Variants in TAF3 observed in about 807,000 individuals in gnomAD.
TAF3 encodes the protein TATA-box binding protein associated factor 3.
In TAF3, 7 loss-of-function variants were observed where a neutral mutation model predicts 80.6. The ratio of observed to expected loss-of-function variants is 0.09; its 90% CI spans 0.05 to 0.16. TAF3 has a LOEUF of 0.16. TAF3 is among the 10% of genes least tolerant of loss of function. TAF3 has a pLI of 1.00. For synonymous variants in TAF3, 444 were observed against 446.1 expected (o/e 1.00, Z 0.06); for missense variants, 921 against 1,140.2 (o/e 0.81, Z 2.77).
intron 2 of TAF3, among the ~76,000 whole-genome samples, chr10:7,959,340 T>C (rs964183839): frequency 1.3e-5 from 2 of 152,244 alleles, no homozygotes; most frequent in African/African-American, 4.8e-5. Flanking sequence ...AACGTTTGTA[T>C]TTTTAAGTAT....
chr10:7,953,980 C>T (rs899922918), intron 2 of TAF3, among the ~76,000 whole-genome samples: 55 of 102,874 alleles, frequency 5.3e-4, no homozygotes, highest in East Asian at 1.4e-3. Flanking sequence ...GTGCACTCCA[C>T]AGGTGAATGA....
intron 3 of TAF3, among the ~76,000 whole-genome samples, chr10:7,974,795 G>C (rs1196967536): frequency 6.6e-6 from 1 of 152,126 alleles, no homozygotes; most frequent in Non-Finnish European, 1.5e-5. Flanking sequence ...TGAGATGAAG[G>C]CCGGGCACAG....
intron 4 of TAF3, among the ~76,000 whole-genome samples, chr10:7,995,893 A>G (rs1831882658): frequency 6.6e-6 from 1 of 152,216 alleles, no homozygotes; most frequent in Non-Finnish European, 1.5e-5. Flanking sequence ...TGAAGAATCA[A>G]CATAAAACCG....
intron 2 of TAF3, among the ~76,000 whole-genome samples, chr10:7,826,181 A>G (rs536296107): frequency 2.0e-5 from 3 of 152,348 alleles, no homozygotes; most frequent in East Asian, 3.9e-4. Flanking sequence ...CTCATCATTT[A>G]GGTGCTCTGG....
rs576437914 is a variant in TAF3 at position 7,923,937 on chromosome 10, G to A, written c.410-39983G>A. 2.4e-3 allele frequency among the ~76,000 whole-genome samples: 371 copies of A among 152,286 alleles called. 2 individuals carry two copies. Among genetic ancestry groups the A allele is most frequent in the African/African-American group, 8.5e-3 (352 of 41,566 alleles). The stretch of plus-strand genomic sequence containing the variant: ...TGAATTTCGATTTGGAAATAAAGGA[G>A]TATTCCAAGGTATAAAGGATAATTT... On this transcript the variant is annotated intron_variant, in intron 2 of 6. Transcript: ENST00000344293.
At chr10:7,845,240 C>CA (rs34416999) in intron 2 of TAF3, among the ~76,000 whole-genome samples, 105 of 145,404 alleles carry the variant, frequency 7.2e-4, no homozygotes, top group Admixed American at 1.2e-3. Flanking sequence ...TGGGAACTAC[C>CA]AAAAAAAAAA....
chr10:7,947,746 A>G (rs1838039748), intron 2 of TAF3, among the ~76,000 whole-genome samples: 1 of 152,168 alleles, frequency 6.6e-6, no homozygotes, highest in Non-Finnish European at 1.5e-5. Context: ...CTCAGAGGCC[A>G]TGGCAAGGAG....
chr10:7,887,195 G>T (rs1279878522), intron 2 of TAF3, among the ~76,000 whole-genome samples: 1 of 150,142 alleles, frequency 6.7e-6, no homozygotes, highest in Non-Finnish European at 1.5e-5. Flanking sequence ...TCGCACCACT[G>T]CACTCCTGCC....
Position 7,965,019 on chromosome 10 carries a change from A to G in TAF3, c.1509A>G (p.Glu503=). The G allele has an allele frequency of 6.2e-7, 1 of 1,613,896 alleles. No homozygotes were observed. The highest frequency in any genetic ancestry group is 8.5e-7 in the Non-Finnish European group (1 of 1,179,988). Reference sequence around the variant, plus strand: ...CGTCAGTGTCTCCTCCCACTCCCGAACCTCTCCACAAGGTGTATGAGGAGA... The same window carrying G: ...CGTCAGTGTCTCCTCCCACTCCCGAGCCTCTCCACAAGGTGTATGAGGAGA... ...SSPSVSPPTP[E]PLHKVYEEKT... Residue 503 remains glutamate (E), a synonymous_variant, in exon 3 of 7, where the codon GAA becomes GAG. Coordinates refer to ENST00000344293, the MANE Select transcript of TAF3 (RefSeq NM_031923.4).
chr10:7,863,692 CATAT>C lies in TAF3; in HGVS notation c.409+39142_409+39145del, dbSNP rs796279577. The stretch of plus-strand genomic sequence containing the variant: ...ACACACATATATATATATACACACA[CATAT>C]ATATATATACACATATATATATACA... On this transcript the variant is annotated intron_variant, in intron 2 of 6. Coordinates refer to ENST00000344293, the MANE Select transcript of TAF3 (RefSeq NM_031923.4). Among the ~76,000 whole-genome samples the C allele has an allele frequency of 1.9e-4, 5 of 25,920 alleles. 1 individual carries two copies. The highest frequency in any genetic ancestry group is 2.6e-3 in the South Asian group (1 of 382). 17.0% of individuals were successfully genotyped at this position (25,920 alleles called of 152,430 possible).
chr10:7,951,276 G>A (rs552858901), intron 2 of TAF3, among the ~76,000 whole-genome samples: 135 of 152,334 alleles, frequency 8.9e-4, no homozygotes, highest in African/African-American at 3.2e-3. Flanking sequence ...AACAGCAACC[G>A]TTTACTAGCT....
Position 7,910,150 on chromosome 10 carries a change from G to A in TAF3, c.410-53770G>A, listed in dbSNP as rs903285997. Among the ~76,000 whole-genome samples, 7 of 152,194 alleles carry A rather than the reference G, an allele frequency of 4.6e-5. No individual in the cohort carries two copies. The South Asian group carries it at 1.5e-3, about 32-fold the overall frequency. Reference sequence around the variant, plus strand: ...GAGTCCAAGGATGCACAGCCTGTAGGTAGGGTACAGAGGCCAGTTGTTTCC... The same window carrying A: ...GAGTCCAAGGATGCACAGCCTGTAGATAGGGTACAGAGGCCAGTTGTTTCC... On this transcript the variant is annotated intron_variant, in intron 2 of 6. Coordinates refer to ENST00000344293, the MANE Select transcript of TAF3 (RefSeq NM_031923.4).
chr10:7,953,842 C>T (rs1838107759), intron 2 of TAF3, among the ~76,000 whole-genome samples: 1 of 149,958 alleles, frequency 6.7e-6, no homozygotes, highest in South Asian at 2.1e-4. Context: ...GAGTGCACGC[C>T]ATAGGCAAAT....
intron 2 of TAF3, among the ~76,000 whole-genome samples, chr10:7,892,967 G>A (rs1327285322): frequency 6.6e-6 from 1 of 151,628 alleles, no homozygotes; most frequent in African/African-American, 2.4e-5. Context: ...TTATAGGCAT[G>A]CACCACCACA....
intron 2 of TAF3, among the ~76,000 whole-genome samples, chr10:7,960,082 T>C (rs539508565): frequency 9.1e-4 from 139 of 152,364 alleles, no homozygotes; most frequent in African/African-American, 3.1e-3. Context: ...AGACCCGTTA[T>C]CCTGCCTAAG....
At chr10:7,963,141 A>G (rs1207624725) in intron 2 of TAF3, among the ~76,000 whole-genome samples, 5 of 152,200 alleles carry the variant, frequency 3.3e-5, no homozygotes, top group Non-Finnish European at 7.3e-5. Context: ...TCAAGCAAGC[A>G]AAATAGAAGA....
At chr10:7,850,054 GT>G (rs34114853) in intron 2 of TAF3, among the ~76,000 whole-genome samples, 38,693 of 152,106 alleles carry the variant, frequency 0.25, 5,085 homozygotes, top group South Asian at 0.38. Flanking sequence ...TGAGTGAGAA[GT>G]TTACAGGCTT....
chr10:7,849,079 C>T (rs751168894), intron 2 of TAF3, among the ~76,000 whole-genome samples: 8 of 152,084 alleles, frequency 5.3e-5, no homozygotes, highest in Non-Finnish European at 8.8e-5. Flanking sequence ...ACTTATGAAC[C>T]GCAACAACAC....
intron 1 of TAF3, among the ~76,000 whole-genome samples, chr10:7,819,552 C>T (rs1475159584): frequency 6.6e-6 from 1 of 152,188 alleles, no homozygotes; most frequent in Admixed American, 6.5e-5. Context: ...ACAAGATTCT[C>T]CAGGTAATCT....
Sources: gnomAD v4.1 joint callset for allele counts (sites outside exome capture counted in the v4.1 genomes callset) on GRCh38, gnomAD v4.1.1 for gene constraint, MANE v1.5 for transcripts, NCBI Gene and HGNC (gene_info 2026-07-23, HGNC 2026-07-21) for gene names.